Variants in DNAH6 observed in about 807,000 individuals in gnomAD.
The protein encoded by DNAH6 is dynein axonemal heavy chain 6, also known as axonemal beta dynein heavy chain 6.
A neutral mutation model predicts 491.4 loss-of-function variants in DNAH6; 340 were observed. That is an observed-to-expected ratio of 0.69 (90% confidence interval 0.63 to 0.76). The LOEUF (loss-of-function observed/expected upper bound fraction) is 0.76, where lower values mean the gene tolerates loss of function less well. Among genes scored for constraint, DNAH6 ranks in the 30% least tolerant of loss-of-function variants. The pLI is 0.00. For synonymous variants in DNAH6, 1,603 were observed against 1,686.1 expected (o/e 0.95, Z 1.21); for missense variants, 4,443 against 4,972.2 (o/e 0.89, Z 3.20).
At chr2:84,701,496 GA>G (rs1030904882) in intron 49 of DNAH6, among the ~76,000 whole-genome samples, 157 bp downstream of exon 49, 3 of 152,180 alleles carry the variant, frequency 2.0e-5, no homozygotes, top group Non-Finnish European at 4.4e-5. Flanking sequence ...TAATTTATAA[GA>G]AAAGAGATGT....
chr2:84,770,837 A>C (rs955304281), intron 64 of DNAH6, among the ~76,000 whole-genome samples: 7 of 151,968 alleles, frequency 4.6e-5, no homozygotes. Context: ...AATAATAATA[A>C]TAATTAGCCT....
At chr2:84,646,885 C>T (rs1001457461) in intron 33 of DNAH6, among the ~76,000 whole-genome samples, 2 of 152,136 alleles carry the variant, frequency 1.3e-5, no homozygotes, top group East Asian at 3.9e-4. Flanking sequence ...TCTCACTCTG[C>T]CCCCCAGGCT....
At chr2:84,479,722 T>C in the DNAH6 span, among the ~76,000 whole-genome samples, 1 of 152,176 alleles carries the variant, frequency 6.6e-6, no homozygotes, top group Non-Finnish European at 1.5e-5. Flanking sequence ...CCCTGGGGCC[T>C]ATGGAGAAGA....
At chr2:84,663,613 A>G (rs1558873145) in intron 37 of DNAH6, among the ~76,000 whole-genome samples, 1 of 152,186 alleles carries the variant, frequency 6.6e-6, no homozygotes, top group East Asian at 1.9e-4. Flanking sequence ...GACCAAATCT[A>G]CGTCTGATTG....
At chr2:84,687,336 T>C (rs1413437163) in intron 44 of DNAH6, among the ~76,000 whole-genome samples, 3 of 152,108 alleles carry the variant, frequency 2.0e-5, no homozygotes, top group Non-Finnish European at 1.5e-5. Flanking sequence ...ACCATGTCTG[T>C]TTTTTGTTCA....
intron 21 of DNAH6, among the ~76,000 whole-genome samples, chr2:84,609,096 T>G (rs7582496): frequency 0.82 from 124,845 of 152,124 alleles, 53,354 homozygotes; most frequent in East Asian, 0.99. Flanking sequence ...TTTTTAAAAT[T>G]GAAAAGAGTT....
At chr2:84,552,324 C>T (rs1482150076) in intron 9 of DNAH6, among the ~76,000 whole-genome samples, 1 of 152,062 alleles carries the variant, frequency 6.6e-6, no homozygotes, top group Non-Finnish European at 1.5e-5. Flanking sequence ...CCTATGGGAA[C>T]AATAATGGAA....
At chr2:84,560,859 T>C (rs1439693772) in intron 11 of DNAH6, among the ~76,000 whole-genome samples, 5 of 152,026 alleles carry the variant, frequency 3.3e-5, no homozygotes, top group African/African-American at 9.7e-5. Flanking sequence ...CCGTCTATCA[T>C]TGTTGGACAT....
intron 54 of DNAH6, among the ~76,000 whole-genome samples, chr2:84,708,964 C>T (rs899892086): frequency 6.6e-6 from 1 of 152,206 alleles, no homozygotes; most frequent in African/African-American, 2.4e-5. Context: ...CCCTCATCTA[C>T]TGATTGCTTG....
Position 84,694,145 on chromosome 2 carries a change from G to A in DNAH6, c.7293-104G>A, listed in dbSNP as rs935457315. On this transcript the variant is annotated intron_variant, in intron 45 of 76. Transcript: ENST00000389394. The stretch of plus-strand genomic sequence containing the variant: ...TCTTCCCTTGCAGCATCCTGCCCAG[G>A]GAGGAGGCTCCACTGGCCACCAGCC... 38 of 968,994 alleles carry A rather than the reference G, an allele frequency of 3.9e-5. No homozygotes were observed. In the African/African-American group the frequency reaches 5.9e-4, roughly 15 times the overall value. 60.0% of individuals were successfully genotyped at this position (968,994 alleles called of 1,614,324 possible). A position where few individuals can be genotyped will look rare whatever the true frequency, so the allele number is the denominator to read the frequency against.
intron 37 of DNAH6, among the ~76,000 whole-genome samples, chr2:84,659,557 A>G (rs1281664108): frequency 6.6e-6 from 1 of 152,194 alleles, no homozygotes; most frequent in Non-Finnish European, 1.5e-5. Flanking sequence ...AATGGCAATG[A>G]ATTTCTCACT....
At position 84,800,048 on chromosome 2, in the gene DNAH6, G is replaced by A. The variant is rs115242840; in HGVS notation, c.11481+2390G>A. Reference sequence around the variant, plus strand: ...CCTATGTGCTGGCTCTTTTAAGCCAGGACTACAGCCTGAATTACAATACCA... The same window carrying A: ...CCTATGTGCTGGCTCTTTTAAGCCAAGACTACAGCCTGAATTACAATACCA... On this transcript the variant is annotated intron_variant, in intron 70 of 76. Transcript: ENST00000389394. Among the ~76,000 whole-genome samples, 1,278 of 152,278 alleles carry A rather than the reference G, an allele frequency of 8.4e-3. 26 individuals carry two copies. Among genetic ancestry groups the A allele is most frequent in the African/African-American group, 0.029 (1,195 of 41,566 alleles).
intron 14 of DNAH6, 138 bp downstream of exon 14, chr2:84,579,817 TC>T: frequency 1.4e-6 from 1 of 731,206 alleles, no homozygotes; most frequent in East Asian, 2.9e-5. Flanking sequence ...AAGTGGATGT[TC>T]TACATCACAG....
At chr2:84,675,846 G>A (rs1246685287) in intron 40 of DNAH6, among the ~76,000 whole-genome samples, 2 of 152,052 alleles carry the variant, frequency 1.3e-5, no homozygotes, top group Non-Finnish European at 1.5e-5. Flanking sequence ...TTTTAGTAGG[G>A]ACTGGGTTTC....
At chr2:84,799,290 C>T (rs1281242640) in intron 70 of DNAH6, among the ~76,000 whole-genome samples, 1 of 152,178 alleles carries the variant, frequency 6.6e-6, no homozygotes, top group Non-Finnish European at 1.5e-5. Flanking sequence ...GCCCAGCCCA[C>T]CCCTCTTTTT....
At chr2:84,758,638 C>T (rs557267258) in intron 63 of DNAH6, among the ~76,000 whole-genome samples, 11 of 152,084 alleles carry the variant, frequency 7.2e-5, no homozygotes, top group South Asian at 2.1e-4. Context: ...GATGATTTAA[C>T]GTATGCAAAT....
rs1435155794 is a variant in DNAH6, at chr2:84,624,619, C to T, written c.4352C>T (p.Thr1451Ile). 6.4e-7 allele frequency: 1 copy of T among 1,550,994 alleles called. No individual in the cohort carries two copies. The change falls in exon 28 of 77, where the codon ACA becomes ATA. Residue 1451 changes from threonine to isoleucine, a missense_variant and splice_region_variant. Around this residue, in one of 3 missense-constraint regions of DNAH6, gnomAD observed 2,977 missense variants for 3,296.6 expected, o/e 0.90. Transcript: ENST00000389394. The part of the protein sequence containing the change: ...ACPRLVITPL[T>I]DRCYLCLMGA... ...CCAAGATTGGTTATTACTCCACTCA[C>T]AGTAAGTTATTGATCACTTGGGTTA...
At chr2:84,759,781 A>T (rs1012639328) in intron 63 of DNAH6, among the ~76,000 whole-genome samples, 2 of 152,162 alleles carry the variant, frequency 1.3e-5, no homozygotes, top group Non-Finnish European at 2.9e-5. Flanking sequence ...AATTATGTGG[A>T]ACCAAAAAAG....
intron 70 of DNAH6, among the ~76,000 whole-genome samples, chr2:84,798,766 G>A (rs1261533271): frequency 6.6e-6 from 1 of 152,166 alleles, no homozygotes; most frequent in Non-Finnish European, 1.5e-5. Flanking sequence ...TTTATTGGCA[G>A]CCCAGGAGTA....
Sources: gnomAD v4.1 joint callset for allele counts (sites outside exome capture counted in the v4.1 genomes callset) on GRCh38, gnomAD v4.1.1 for gene constraint, gnomAD v4.1.1 regional missense constraint, MANE v1.5 for transcripts, NCBI Gene and HGNC (gene_info 2026-07-23, HGNC 2026-07-21) for gene names.